Variants in RASGRF2 observed in about 807,000 individuals in gnomAD.
The protein encoded by RASGRF2 is ras-specific guanine nucleotide-releasing factor 2.
In RASGRF2, 76 loss-of-function variants were observed where a neutral mutation model predicts 151.0. The ratio of observed to expected loss-of-function variants is 0.50; its 90% CI spans 0.42 to 0.61. RASGRF2 has a LOEUF of 0.61. Among genes scored for constraint, RASGRF2 ranks in the 20% least tolerant of loss-of-function variants. RASGRF2 has a pLI of 0.00. For synonymous variants in RASGRF2, 504 were observed against 566.5 expected (o/e 0.89, Z 1.57); for missense variants, 1,148 against 1,564.6 (o/e 0.73, Z 4.49).
rs184685388 is a variant in RASGRF2 at position 81,028,792 on chromosome 5, C to A, written c.289-14085C>A. 2.8e-3 allele frequency among the ~76,000 whole-genome samples: 422 copies of A among 152,348 alleles called. 1 individual carries two copies. The highest frequency in any genetic ancestry group is 7.2e-3 in the Admixed American group (110 of 15,308). On this transcript the variant is annotated intron_variant, in intron 1 of 26. Coordinates refer to ENST00000265080, the MANE Select transcript of RASGRF2 (RefSeq NM_006909.3). ...CAACTGAGGTACCAGGTTCATCTCA[C>A]TGGGGCTTGTCAGACAGTGGGTGCA...
At chr5:81,007,076 A>C (rs750685691) in intron 1 of RASGRF2, among the ~76,000 whole-genome samples, 2 of 152,104 alleles carry the variant, frequency 1.3e-5, no homozygotes, top group Non-Finnish European at 2.9e-5. Context: ...TGGTGGAGTA[A>C]TCACTGTGTG....
chr5:80,978,241 A>C (rs1748189471), intron 1 of RASGRF2, among the ~76,000 whole-genome samples: 1 of 152,328 alleles, frequency 6.6e-6, no homozygotes, highest in Admixed American at 6.5e-5. Flanking sequence ...AAAATAATGC[A>C]AGTCCACAGC....
intron 1 of RASGRF2, among the ~76,000 whole-genome samples, chr5:81,023,658 C>A (rs142779660): frequency 6.6e-6 from 1 of 152,220 alleles, no homozygotes; most frequent in African/African-American, 2.4e-5. Flanking sequence ...GCCTCAGACA[C>A]GCTTTAACCT....
chr5:81,185,454 G>T (rs939121729), intron 18 of RASGRF2, among the ~76,000 whole-genome samples: 6 of 152,166 alleles, frequency 3.9e-5, no homozygotes, highest in African/African-American at 1.2e-4. Flanking sequence ...GACAGACGCT[G>T]GGTGAAAAAG....
intron 1 of RASGRF2, among the ~76,000 whole-genome samples, chr5:81,005,083 T>G (rs1389770185): frequency 4.6e-5 from 7 of 152,242 alleles, no homozygotes; most frequent in Non-Finnish European, 8.8e-5. Flanking sequence ...ATTTGCCTAT[T>G]CTGGACATTT....
In RASGRF2 at chr5:81,019,988, T is replaced by C. The variant is rs1009154267; in HGVS notation, c.289-22889T>C. On this transcript the variant is annotated intron_variant, in intron 1 of 26. Transcript: ENST00000265080. ...TTAAGGACCAGAGTTTTAAGTGAGC[T>C]TGTGTTCTCATATTGGGTTACATTT... Among the ~76,000 whole-genome samples the C allele has an allele frequency of 1.5e-4, 23 of 152,358 alleles. No individual in the cohort carries two copies. The East Asian group carries it at 4.0e-3, about 27-fold the overall frequency.
At position 81,207,004 on chromosome 5, in the gene RASGRF2, A is replaced by G. The variant is rs977458329; in HGVS notation, c.2967+99A>G. The stretch of plus-strand genomic sequence containing the variant: ...ACCGATCAAGGAGTGTTGTAGTATT[A>G]GGCCCTCTGTCCTATCTGTGAAGCT... On this transcript the variant is annotated intron_variant, in intron 20 of 26. Transcript: ENST00000265080. The G allele has an allele frequency of 9.5e-6, 10 of 1,055,426 alleles. No individual in the cohort carries two copies. The African/African-American group carries it at 1.4e-4, about 15-fold the overall frequency. 65.4% of individuals were successfully genotyped at this position (1,055,426 alleles called of 1,614,324 possible).
At chr5:81,117,903 C>T (rs1319936962) in intron 15 of RASGRF2, among the ~76,000 whole-genome samples, 2 of 152,186 alleles carry the variant, frequency 1.3e-5, no homozygotes, top group Admixed American at 6.5e-5. Flanking sequence ...TGAAACCCAA[C>T]GGGGCAGACA....
rs150488425 is a variant in RASGRF2 at position 81,103,877 on chromosome 5, A to T, written c.1756-5119A>T. Among the ~76,000 whole-genome samples the T allele has an allele frequency of 5.5e-4, 84 of 152,286 alleles. 2 individuals carry two copies. In the East Asian group the frequency reaches 0.015, roughly 27 times the overall value. ...GTAATTTATGTTTATATAGTGGGAT[A>T]TATAGCAGTTAATATGAATGAACGA... On this transcript the variant is annotated intron_variant, in intron 12 of 26. Transcript: ENST00000265080.
intron 1 of RASGRF2, among the ~76,000 whole-genome samples, chr5:80,982,913 T>C (rs1748357529): frequency 6.6e-6 from 1 of 152,172 alleles, no homozygotes; most frequent in Admixed American, 6.5e-5. Context: ...AATTTGGTTC[T>C]ATTATTAATC....
At chr5:81,166,601 G>A (rs1214382518) in intron 17 of RASGRF2, among the ~76,000 whole-genome samples, 2 of 152,104 alleles carry the variant, frequency 1.3e-5, no homozygotes, top group Non-Finnish European at 2.9e-5. Flanking sequence ...GAGTGGCGGT[G>A]TTGAGGAAAG....
At chr5:80,976,197 A>G (rs1748109093) in intron 1 of RASGRF2, among the ~76,000 whole-genome samples, 1 of 152,154 alleles carries the variant, frequency 6.6e-6, no homozygotes, top group African/African-American at 2.4e-5. Flanking sequence ...ATTTTTATGA[A>G]CATTGTTTTG....
In RASGRF2 at chr5:81,193,797, C is replaced by T. The variant is rs137861861; in HGVS notation, c.2794-7533C>T. 2.1e-3 allele frequency among the ~76,000 whole-genome samples: 316 copies of T among 152,294 alleles called. 3 individuals carry two copies. Among genetic ancestry groups the T allele is most frequent in the African/African-American group, 7.3e-3 (302 of 41,578 alleles). ...CCTCCCGTAGTGCTGGGATTACTGG[C>T]ATGAGCTACCGTGCCCAGCTCGATA... On this transcript the variant is annotated intron_variant, in intron 18 of 26. Coordinates refer to ENST00000265080, the MANE Select transcript of RASGRF2 (RefSeq NM_006909.3).
rs560530759 is a variant in RASGRF2, at chr5:81,208,583, G to A, written c.3156+145G>A. Reference sequence around the variant, plus strand: ...TTTTTTTTTTTTGAGACAGAGTCTCGCTCTGTCGCCCAGGCTGGAGTGCAA... The same window carrying A: ...TTTTTTTTTTTTGAGACAGAGTCTCACTCTGTCGCCCAGGCTGGAGTGCAA... On this transcript the variant is annotated intron_variant, in intron 22 of 26. Coordinates refer to ENST00000265080, the MANE Select transcript of RASGRF2 (RefSeq NM_006909.3). The A allele has an allele frequency of 1.3e-4, 70 of 537,094 alleles. 1 individual carries two copies. Among genetic ancestry groups the A allele is most frequent in the African/African-American group, 7.5e-4 (32 of 42,470 alleles). 33.3% of individuals were successfully genotyped at this position (537,094 alleles called of 1,614,324 possible). A position where few individuals can be genotyped will look rare whatever the true frequency, so the allele number is the denominator to read the frequency against.
intron 1 of RASGRF2, among the ~76,000 whole-genome samples, chr5:81,003,215 T>C (rs1037316714): frequency 3.9e-4 from 54 of 137,784 alleles, no homozygotes; most frequent in African/African-American, 1.4e-3. Context: ...CCACCACACC[T>C]GGCTTTTTTT....
At chr5:81,160,720 A>AT (rs56076627) in intron 17 of RASGRF2, among the ~76,000 whole-genome samples, 1 of 149,044 alleles carries the variant, frequency 6.7e-6, no homozygotes, top group South Asian at 2.1e-4. Flanking sequence ...AATAATAATA[A>AT]GTCAACCAGG....
intron 18 of RASGRF2, among the ~76,000 whole-genome samples, 171 bp from the exon 19 acceptor site, chr5:81,201,159 C>T (rs1755385604): frequency 6.6e-6 from 1 of 152,126 alleles, no homozygotes; most frequent in African/African-American, 2.4e-5. Flanking sequence ...AACAGACCAC[C>T]ATTCCTAACC....
At chr5:80,967,410 A>C (rs1747757870) in intron 1 of RASGRF2, among the ~76,000 whole-genome samples, 1 of 152,166 alleles carries the variant, frequency 6.6e-6, no homozygotes, top group South Asian at 2.1e-4. Context: ...TAAAGAAATA[A>C]ATAAAAATAA....
intron 19 of RASGRF2, among the ~76,000 whole-genome samples, chr5:81,204,696 A>G (rs1755467551): frequency 6.6e-6 from 1 of 152,236 alleles, no homozygotes; most frequent in Non-Finnish European, 1.5e-5. Flanking sequence ...ATGCCACAAA[A>G]TAAAAAGAAA....
Sources: allele counts gnomAD v4.1 joint callset (sites outside exome capture counted in the v4.1 genomes callset), GRCh38; gene constraint gnomAD v4.1.1; transcripts MANE v1.5; gene names NCBI Gene and HGNC (gene_info 2026-07-23, HGNC 2026-07-21).